The following KCNJ3 variants were observed in gnomAD, a reference collection of about 807,000 sequenced individuals.
KCNJ3 encodes G protein-activated inward rectifier potassium channel 1.
In KCNJ3, 4 loss-of-function variants were observed where a neutral mutation model predicts 39.2. The observed-to-expected ratio is 0.10, with a 90% CI of 0.05 to 0.23. KCNJ3 has a LOEUF of 0.23. KCNJ3 is among the 10% of genes least tolerant of loss of function. The probability of loss-of-function intolerance (pLI) is 1.00; values close to 1 mark genes in which losing one functional copy is unlikely to be tolerated. For synonymous variants in KCNJ3, 230 were observed against 237.4 expected, an observed-to-expected ratio of 0.97 and a Z score of 0.29; for missense variants, 276 against 634.9, an observed-to-expected ratio of 0.43 and a Z score of 6.08.
In KCNJ3 at chr2:154,826,381, A is replaced by G. The variant is rs146315292; in HGVS notation, c.920-28346A>G. On this transcript the variant is annotated intron_variant, in intron 2 of 2. Coordinates refer to ENST00000295101, the MANE Select transcript of KCNJ3 (RefSeq NM_002239.4). ...TCTGGAAATTTTCAAATACTTATAA[A>G]CTGTTTAAAGAATTTCAGACCCTTA... 6.0e-3 allele frequency among the ~76,000 whole-genome samples: 912 copies of G among 152,286 alleles called. 8 individuals are homozygous for G. Among genetic ancestry groups the G allele is most frequent in the Middle Eastern group, 0.01 (3 of 294 alleles).
At chr2:154,756,817 G>C (rs567626422) in intron 2 of KCNJ3, among the ~76,000 whole-genome samples, 2 of 151,868 alleles carry the variant, frequency 1.3e-5, no homozygotes, top group South Asian at 4.2e-4. Flanking sequence ...AAAGCCCTTT[G>C]TTTTCAGTTT....
chr2:154,819,626 G>T (rs2105108863), intron 2 of KCNJ3, among the ~76,000 whole-genome samples: 1 of 151,966 alleles, frequency 6.6e-6, no homozygotes, highest in East Asian at 1.9e-4. Context: ...TGCCTCCCGG[G>T]TTCAAGCTAT....
In KCNJ3 at chr2:154,858,054, C is replaced by A. The variant is rs1282748228; in HGVS notation, c.*2741C>A. 3 of 151,884 alleles carry A rather than the reference C, an allele frequency of 2.0e-5. No individual in the cohort carries two copies. The highest frequency in any genetic ancestry group is 4.8e-5 in the African/African-American group (2 of 41,348). The allele number at this position is 151,884 out of a possible 1,614,324, so 9.4% of individuals were successfully genotyped here. A position where few individuals can be genotyped will look rare whatever the true frequency, so the allele number is the denominator to read the frequency against. On this transcript the variant is annotated 3_prime_UTR_variant, in exon 3 of 3. Coordinates refer to ENST00000295101, the MANE Select transcript of KCNJ3 (RefSeq NM_002239.4). Reference sequence around the variant, plus strand: ...AAATCTATCTCATGAGAAAGTGCTACTGTTGTCAAAATTACCTTATCTGAG... The same window carrying A: ...AAATCTATCTCATGAGAAAGTGCTAATGTTGTCAAAATTACCTTATCTGAG...
intron 2 of KCNJ3, among the ~76,000 whole-genome samples, chr2:154,811,293 A>C (rs1342018967): frequency 6.6e-6 from 1 of 152,050 alleles, no homozygotes; most frequent in Non-Finnish European, 1.5e-5. Flanking sequence ...ATGTGATAGG[A>C]GGGTGGTGGC....
intron 1 of KCNJ3, among the ~76,000 whole-genome samples, chr2:154,705,347 T>G (rs922312563): frequency 2.0e-5 from 3 of 152,148 alleles, no homozygotes; most frequent in African/African-American, 7.2e-5. Flanking sequence ...TGTATGTATA[T>G]GTATGTGTGT....
At chr2:154,722,526 T>C (rs1685280270) in intron 2 of KCNJ3, among the ~76,000 whole-genome samples, 1 of 152,084 alleles carries the variant, frequency 6.6e-6, no homozygotes, top group Non-Finnish European at 1.5e-5. Flanking sequence ...ATTCATATGG[T>C]TAGAGGTAGA....
intron 2 of KCNJ3, among the ~76,000 whole-genome samples, chr2:154,827,393 G>A (rs890238895): frequency 7.2e-5 from 11 of 151,876 alleles, no homozygotes; most frequent in Non-Finnish European, 1.2e-4. Context: ...ATCTATTATC[G>A]TCCTGTGACT....
intron 2 of KCNJ3, among the ~76,000 whole-genome samples, chr2:154,853,331 A>T (rs1160729808): frequency 6.6e-6 from 1 of 152,066 alleles, no homozygotes; most frequent in Admixed American, 6.6e-5. Flanking sequence ...GAAGGATTCA[A>T]ATGTGGCTTC....
At chr2:154,731,655 T>G (rs1342340000) in intron 2 of KCNJ3, among the ~76,000 whole-genome samples, 3 of 152,018 alleles carry the variant, frequency 2.0e-5, no homozygotes, top group Admixed American at 6.6e-5. Flanking sequence ...TCTTATATAT[T>G]TGTTGTCATA....
intron 2 of KCNJ3, among the ~76,000 whole-genome samples, chr2:154,825,726 G>A (rs1838673): frequency 0.16 from 23,950 of 151,480 alleles, 2,553 homozygotes; most frequent in East Asian, 0.48. Context: ...ACAGGCATGC[G>A]CCACCACACC....
intron 2 of KCNJ3, among the ~76,000 whole-genome samples, chr2:154,828,846 G>A (rs1687313900): frequency 1.3e-5 from 2 of 152,100 alleles, no homozygotes; most frequent in Admixed American, 1.3e-4. Flanking sequence ...TTTAGTTTGA[G>A]TTTTTCAAAC....
chr2:154,748,717 A>T (rs959905402), intron 2 of KCNJ3, among the ~76,000 whole-genome samples: 27 of 152,148 alleles, frequency 1.8e-4, no homozygotes, highest in African/African-American at 5.8e-4. Flanking sequence ...GTAATGACTT[A>T]CATCCTCAAG....
At chr2:154,779,369 T>C (rs1337845664) in intron 2 of KCNJ3, among the ~76,000 whole-genome samples, 2 of 150,728 alleles carry the variant, frequency 1.3e-5, no homozygotes. Flanking sequence ...GAGCTCCTCC[T>C]AGCATCCTAA....
chr2:154,774,764 A>T (rs1170864480), intron 2 of KCNJ3, among the ~76,000 whole-genome samples: 3 of 152,216 alleles, frequency 2.0e-5, no homozygotes, highest in East Asian at 3.8e-4. Flanking sequence ...GCCCTTTAGG[A>T]TGTTACATTT....
intron 2 of KCNJ3, among the ~76,000 whole-genome samples, chr2:154,826,051 A>ACTT (rs1687265691): frequency 6.6e-6 from 1 of 152,086 alleles, no homozygotes; most frequent in Non-Finnish European, 1.5e-5. Flanking sequence ...CCTTGATAAT[A>ACTT]CTTCTCTCCC....
chr2:154,847,084 A>G (rs1687675624), intron 2 of KCNJ3, among the ~76,000 whole-genome samples: 1 of 152,166 alleles, frequency 6.6e-6, no homozygotes, highest in Admixed American at 6.5e-5. Context: ...GGAGATTTAA[A>G]GAGATTCCAT....
chr2:154,777,104 G>A (rs113995441), intron 2 of KCNJ3, among the ~76,000 whole-genome samples: 1 of 152,076 alleles, frequency 6.6e-6, no homozygotes, highest in African/African-American at 2.4e-5. Context: ...AGCTAAATTT[G>A]TCCGATGGAT....
At chr2:154,720,748 G>T (rs991228368) in intron 2 of KCNJ3, among the ~76,000 whole-genome samples, 1 of 152,090 alleles carries the variant, frequency 6.6e-6, no homozygotes, top group African/African-American at 2.4e-5. Flanking sequence ...GACTAGAGAA[G>T]GTTTGGACCT....
At chr2:154,792,135 C>A (rs535193467) in intron 2 of KCNJ3, among the ~76,000 whole-genome samples, 1 of 152,160 alleles carries the variant, frequency 6.6e-6, no homozygotes, top group Admixed American at 6.6e-5. Context: ...TGACAAGGCC[C>A]TGACTATTCC....
Sources: gnomAD v4.1 joint callset for allele counts (sites outside exome capture counted in the v4.1 genomes callset) on GRCh38, gnomAD v4.1.1 for gene constraint, MANE v1.5 for transcripts, NCBI Gene and HGNC (gene_info 2026-07-23, HGNC 2026-07-21) for gene names.